The following KHDC1 variants were observed in gnomAD, a reference collection of about 807,000 sequenced individuals.
The protein encoded by KHDC1 is KH homology domain-containing protein 1.
KHDC1 carries 21 observed loss-of-function variants against 24.7 expected under a neutral mutation model. That is an observed-to-expected ratio of 0.85 (90% CI 0.60 to 1.23). The LOEUF (loss-of-function observed/expected upper bound fraction) is 1.23, where lower values mean the gene tolerates loss of function less well. KHDC1 is among the 50% of genes most tolerant of loss of function. KHDC1 has a pLI of 0.00. For synonymous variants in KHDC1, 98 were observed against 111.7 expected, an observed-to-expected ratio of 0.88 and a Z score of 0.77; for missense variants, 274 against 298.5, an observed-to-expected ratio of 0.92 and a Z score of 0.61.
At chr6:73,278,084 T>C (rs1398367978) in intron 2 of KHDC1, among the ~76,000 whole-genome samples, 1 of 144,032 alleles carries the variant, frequency 6.9e-6, no homozygotes, top group Non-Finnish European at 1.5e-5. Flanking sequence ...CGATCTCAGC[T>C]CACTGCGACC....
chr6:73,283,327 GT>G (rs71540382), intron 2 of KHDC1, among the ~76,000 whole-genome samples: 13 of 147,008 alleles, frequency 8.8e-5, no homozygotes, highest in South Asian at 2.2e-4. Flanking sequence ...AGTGTTACTA[GT>G]TTTTTTTTTT....
At chr6:73,276,100 G>A (rs999792828) in intron 2 of KHDC1, 1 of 152,450 alleles carries the variant, frequency 6.6e-6, no homozygotes, top group African/African-American at 2.4e-5. Flanking sequence ...GCTGAGGCAG[G>A]AGAATTGCTT....
intron 1 of KHDC1, chr6:73,300,183 G>A (rs1314840450): frequency 6.6e-6 from 1 of 152,338 alleles, no homozygotes; most frequent in Non-Finnish European, 1.5e-5. Flanking sequence ...CTCCACATCA[G>A]TTCAAGGCAG....
intron 1 of KHDC1, chr6:73,292,475 A>G: frequency 1.3e-6 from 1 of 772,034 alleles, no homozygotes; most frequent in Non-Finnish European, 2.4e-6. Flanking sequence ...ACTCTGGGGA[A>G]AGCTGGCCTC....
intron 2 of KHDC1, among the ~76,000 whole-genome samples, chr6:73,243,167 T>C (rs1766606550): frequency 6.6e-6 from 1 of 150,398 alleles, no homozygotes. Context: ...GTGGTCTTCA[T>C]TGTGGAATGT....
intron 2 of KHDC1, among the ~76,000 whole-genome samples, chr6:73,261,249 C>G (rs1361480250): frequency 6.6e-6 from 1 of 151,958 alleles, no homozygotes; most frequent in East Asian, 1.9e-4. Context: ...TTGAGACCAG[C>G]CTGGCCAACA....
At chr6:73,295,647 A>G (rs1758044346) in intron 1 of KHDC1, among the ~76,000 whole-genome samples, 1 of 151,900 alleles carries the variant, frequency 6.6e-6, no homozygotes, top group Admixed American at 6.6e-5. Context: ...GGAGTTCGAC[A>G]CCCGCCTGGC....
intron 2 of KHDC1, among the ~76,000 whole-genome samples, chr6:73,250,839 C>T (rs1286514330): frequency 1.3e-5 from 2 of 152,188 alleles, no homozygotes; most frequent in Non-Finnish European, 2.9e-5. Context: ...GAATATTAAG[C>T]ATCAAATAAT....
chr6:73,293,356 C>A lies in KHDC1; in HGVS notation c.164-1316G>T, dbSNP rs373160301. 1.1e-4 allele frequency: 49 copies of A among 463,666 alleles called. No homozygotes were observed. In the East Asian group the frequency reaches 2.4e-3, roughly 22 times the overall value. 28.7% of individuals were successfully genotyped at this position (463,666 alleles called of 1,614,324 possible). A position where few individuals can be genotyped will look rare whatever the true frequency, so the allele number is the denominator to read the frequency against. On this transcript the variant is annotated intron_variant, in intron 1 of 4. Transcript: ENST00000370384. ...AAACTATTATATAAAGGGTGACTTA[C>A]ATTTTGGAAACAACATATTGAGTGT... is the stretch of plus-strand genomic sequence containing the variant.
intron 1 of KHDC1, among the ~76,000 whole-genome samples, chr6:73,295,139 C>G (rs960232932): frequency 6.6e-6 from 1 of 152,002 alleles, no homozygotes; most frequent in Non-Finnish European, 1.5e-5. Flanking sequence ...GGCGACAGAG[C>G]AAGACCCTGT....
intron 1 of KHDC1, among the ~76,000 whole-genome samples, chr6:73,305,289 A>G (rs1429256152): frequency 6.6e-6 from 1 of 151,928 alleles, no homozygotes; most frequent in African/African-American, 2.4e-5. Flanking sequence ...TAATAAAGAA[A>G]CAAATTTGAA....
At chr6:73,297,250 C>T (rs1371309332) in intron 1 of KHDC1, among the ~76,000 whole-genome samples, 1 of 151,884 alleles carries the variant, frequency 6.6e-6, no homozygotes, top group Non-Finnish European at 1.5e-5. Flanking sequence ...CAGTTTGCAC[C>T]TTTTTTTTCT....
At chr6:73,244,940 A>G (rs1766639053) in intron 2 of KHDC1, among the ~76,000 whole-genome samples, 1 of 152,204 alleles carries the variant, frequency 6.6e-6, no homozygotes, top group Non-Finnish European at 1.5e-5. Context: ...AAAATATGAT[A>G]AAAATTTAAA....
intron 2 of KHDC1, among the ~76,000 whole-genome samples, chr6:73,270,693 C>CT (rs796508631): frequency 0.052 from 7,492 of 144,616 alleles, 469 homozygotes; most frequent in African/African-American, 0.15. Context: ...TCTATTTTTT[C>CT]TTTTTTTTTT....
chr6:73,253,087 A>C (rs1487645869), intron 2 of KHDC1, among the ~76,000 whole-genome samples: 1 of 152,218 alleles, frequency 6.6e-6, no homozygotes, highest in African/African-American at 2.4e-5. Flanking sequence ...TACTTCAATA[A>C]ATAAAAGGCT....
chr6:73,298,499 A>C (rs192174849), intron 1 of KHDC1, among the ~76,000 whole-genome samples: 16,768 of 122,730 alleles, frequency 0.14, 1,573 homozygotes, highest in African/African-American at 0.25. Context: ...GCAGTGTCGC[A>C]ATCTTGGCTC....
At chr6:73,285,478 C>G (rs763625400) in intron 2 of KHDC1, among the ~76,000 whole-genome samples, 2 of 151,940 alleles carry the variant, frequency 1.3e-5, no homozygotes, top group Non-Finnish European at 2.9e-5. Context: ...ATTACAGGCA[C>G]CTGCCACCAT....
chr6:73,242,000 T>C (rs988067195), intron 4 of KHDC1, 55 bp downstream of exon 3: 2 of 1,547,622 alleles, frequency 1.3e-6, no homozygotes, highest in South Asian at 1.2e-5. Flanking sequence ...GCTACACAAC[T>C]TAGCCAGAAC....
Position 73,291,434 on chromosome 6 carries a change from CA to C in KHDC1, c.206+563del, listed in dbSNP as rs1384924629. On this transcript the variant is annotated intron_variant, in intron 2 of 4. Coordinates refer to ENST00000370384, the Ensembl canonical transcript of KHDC1. The stretch of plus-strand genomic sequence containing the variant: ...GAAATTATGATCTTTTAAGTTGGAA[CA>C]TGTAATGTTAATCCTTTTGCACCAA... 1.2e-5 allele frequency: 2 copies of C among 173,750 alleles called. 1 individual carries two copies. The highest frequency in any genetic ancestry group is 4.8e-5 in the African/African-American group (2 of 41,784). 10.8% of individuals were successfully genotyped at this position (173,750 alleles called of 1,614,324 possible). A position where few individuals can be genotyped will look rare whatever the true frequency, so the allele number is the denominator to read the frequency against.
Sources: allele counts gnomAD v4.1 joint callset (sites outside exome capture counted in the v4.1 genomes callset), GRCh38; gene constraint gnomAD v4.1.1; transcripts MANE v1.5; gene names NCBI Gene and HGNC (gene_info 2026-07-23, HGNC 2026-07-21).